PKD1L3: variants seen among roughly 807,000 people sequenced by gnomAD.
PKD1L3 encodes the protein polycystin-1-like protein 3.
Under a neutral mutation model 184.1 loss-of-function variants are expected in PKD1L3, and 239 were observed. The ratio of observed to expected loss-of-function variants is 1.30; its 90% CI spans 1.17 to 1.45. The LOEUF (loss-of-function observed/expected upper bound fraction) is 1.45. PKD1L3 is among the 40% of genes most tolerant of loss of function. The probability of loss-of-function intolerance (pLI) is 0.00; values close to 1 mark genes in which losing one functional copy is unlikely to be tolerated. For synonymous variants in PKD1L3, 996 were observed against 778.8 expected (o/e 1.28, Z -4.64); for missense variants, 2,660 against 2,067.2 (o/e 1.29, Z -5.56).
Position 71,980,103 on chromosome 16 carries a change from T to C in PKD1L3, c.1175A>G (p.Glu392Gly), listed in dbSNP as rs1212927808. ...AAATGCTTCCCCGATATTCCCAAAC[T>C]CCACCAAGGACATTTCCAGGATGTC... is the stretch of plus-strand genomic sequence containing the variant. ...VEDILEMSLV[E>G]FGNIGEAFLE... Residue 392 changes from glutamate (E) to glycine (G), a missense_variant, in exon 8 of 30, where the codon GAG (glutamate) becomes GGG (glycine). Glu to Gly is a moderately conservative substitution (Grantham distance 98, BLOSUM62 -2). Transcript: ENST00000620267. 3 of 1,551,600 alleles carry C rather than the reference T, an allele frequency of 1.9e-6. No homozygotes were observed. The highest frequency in any genetic ancestry group is 2.6e-6 in the Non-Finnish European group (3 of 1,146,954).
At position 71,990,280 on chromosome 16, in the gene PKD1L3, A is replaced by T. The variant is rs879148515; in HGVS notation, c.585T>A (p.Leu195=). The change falls in exon 4 of 30, where the codon CTT becomes CTA. Residue 195 remains leucine, a splice_region_variant and synonymous_variant. Coordinates refer to ENST00000620267, the MANE Select transcript of PKD1L3 (RefSeq NM_181536.2). ...TTCHYPLPAH[L]SKTLCHPISQ... is the part of the protein sequence containing the mutation. ...GTATGTTGTCAAGGGAAGCACTTAC[A>T]AGATGAGCAGGAAGAGGATAGTGAC... 1 of 1,545,188 alleles carries T rather than the reference A, an allele frequency of 6.5e-7. No homozygotes were observed. The highest frequency in any genetic ancestry group is 1.2e-5 in the South Asian group (1 of 83,934).
chr16:71,936,210 T>C (rs2038170596), intron 25 of PKD1L3, among the ~76,000 whole-genome samples: 1 of 144,970 alleles, frequency 6.9e-6, no homozygotes, highest in Non-Finnish European at 1.5e-5. Context: ...TTTTCTTTTC[T>C]TTTTTTTTTT....
At chr16:71,996,175 T>C (rs7198936) in intron 2 of PKD1L3, among the ~76,000 whole-genome samples, 86,937 of 150,948 alleles carry the variant, frequency 0.58, 25,457 homozygotes, top group South Asian at 0.66. Flanking sequence ...AACAACAGGA[T>C]ATGGACGCTG....
chr16:71,948,486 G>A (rs1208218216), intron 21 of PKD1L3, among the ~76,000 whole-genome samples: 1 of 152,122 alleles, frequency 6.6e-6, no homozygotes, highest in African/African-American at 2.4e-5. Flanking sequence ...CTCCCAAAGT[G>A]CTAGGATTAC....
rs1273951826 is a variant in PKD1L3, at chr16:71,978,738, CTA to C, written c.1399-357_1399-356del. On this transcript the variant is annotated intron_variant, in intron 9 of 29. Transcript: ENST00000620267. ...TATTTTTAGTAGAGACAGGGTTTCGCTATGTTGGCCACGCTGGTCTCGAACTC... is the reference window on the plus strand; with the variant it reads ...TATTTTTAGTAGAGACAGGGTTTCGCTGTTGGCCACGCTGGTCTCGAACTC... 2.0e-5 allele frequency among the ~76,000 whole-genome samples: 3 copies of C among 151,776 alleles called. No individual in the cohort carries two copies. The East Asian group carries it at 5.8e-4, about 29-fold the overall frequency.
At chr16:71,969,711 T>C (rs1342593255) in intron 13 of PKD1L3, among the ~76,000 whole-genome samples, 164 bp downstream of exon 13, 2 of 152,134 alleles carry the variant, frequency 1.3e-5, no homozygotes, top group Non-Finnish European at 2.9e-5. Flanking sequence ...TTCTCAGGTC[T>C]TGAGTCAGCA....
intron 18 of PKD1L3, among the ~76,000 whole-genome samples, chr16:71,952,170 A>C (rs2143385416): frequency 7.3e-6 from 1 of 137,722 alleles, no homozygotes; most frequent in African/African-American, 2.7e-5. Context: ...GCTCTCTTCC[A>C]CTGCGTGGGG....
chr16:71,947,920 CT>C (rs545301438), intron 21 of PKD1L3, among the ~76,000 whole-genome samples: 96 of 143,812 alleles, frequency 6.7e-4, no homozygotes, highest in African/African-American at 7.9e-4. Context: ...GATCCAGACT[CT>C]TTTTTTTTTT....
At position 71,979,987 on chromosome 16, in the gene PKD1L3, C is replaced by G; in HGVS notation, c.1271+20G>C. On this transcript the variant is annotated intron_variant, in intron 8 of 29. Transcript: ENST00000620267. The stretch of plus-strand genomic sequence containing the variant: ...GTGAAAAACACAGTGAAACTCTCCC[C>G]GTTCCTTCTTCCCATTAACCTGCTC... 2 of 1,551,128 alleles carry G rather than the reference C, an allele frequency of 1.3e-6. No individual in the cohort carries two copies. Among genetic ancestry groups the G allele is most frequent in the East Asian group, 2.4e-5 (1 of 40,918 alleles).
At chr16:71,983,993 C>A in intron 6 of PKD1L3, 43 bp downstream of exon 6, 6 of 1,545,128 alleles carry the variant, frequency 3.9e-6, no homozygotes, top group Non-Finnish European at 5.3e-6. Context: ...TTCCGCTTTT[C>A]CCTCTCTCCT....
intron 24 of PKD1L3, among the ~76,000 whole-genome samples, chr16:71,939,959 G>T (rs189475356): frequency 8.4e-4 from 128 of 152,256 alleles, no homozygotes; most frequent in Non-Finnish European, 1.5e-3. Context: ...CATTGACTTA[G>T]CAAGTTCAAG....
At chr16:71,995,681 G>C (rs781005038) in intron 2 of PKD1L3, among the ~76,000 whole-genome samples, 18 of 152,170 alleles carry the variant, frequency 1.2e-4, no homozygotes, top group Non-Finnish European at 2.2e-4. Flanking sequence ...CTATCACAGA[G>C]AGCTACAATG....
intron 13 of PKD1L3, 27 bp downstream of exon 13, chr16:71,969,848 A>C: frequency 6.6e-7 from 1 of 1,523,154 alleles, no homozygotes; most frequent in Admixed American, 2.1e-5. Context: ...CATCATGGCA[A>C]ATCTGTTGAA....
intron 24 of PKD1L3, among the ~76,000 whole-genome samples, chr16:71,942,330 C>G (rs947494132): frequency 1.3e-5 from 2 of 152,058 alleles, no homozygotes; most frequent in African/African-American, 4.8e-5. Context: ...AAGACTCCGT[C>G]TCAAACAAAC....
intron 3 of PKD1L3, among the ~76,000 whole-genome samples, chr16:71,992,921 T>G (rs986142965): frequency 6.6e-6 from 1 of 152,220 alleles, no homozygotes; most frequent in African/African-American, 2.4e-5. Context: ...ACACCATAAT[T>G]TGAAAGACTT....
intron 3 of PKD1L3, among the ~76,000 whole-genome samples, chr16:71,992,922 T>G (rs372770752): frequency 7.2e-5 from 11 of 152,358 alleles, no homozygotes; most frequent in African/African-American, 1.4e-4. Flanking sequence ...CACCATAATT[T>G]GAAAGACTTT....
At chr16:71,983,133 G>A (rs1335957865) in intron 6 of PKD1L3, among the ~76,000 whole-genome samples, 1 of 152,012 alleles carries the variant, frequency 6.6e-6, no homozygotes, top group Non-Finnish European at 1.5e-5. Flanking sequence ...ATGAAGAAAA[G>A]ACCAATGCTG....
intron 7 of PKD1L3, 125 bp downstream of exon 7, chr16:71,981,934 T>G: frequency 9.1e-7 from 1 of 1,098,528 alleles, no homozygotes; most frequent in Non-Finnish European, 1.2e-6. Flanking sequence ...GCAGAGGAGT[T>G]TCTTCTGCAG....
intron 4 of PKD1L3, among the ~76,000 whole-genome samples, chr16:71,989,163 T>C (rs2040492156): frequency 6.6e-6 from 1 of 152,176 alleles, no homozygotes; most frequent in Admixed American, 6.5e-5. Flanking sequence ...TTTTGTTTTG[T>C]TTTGTTTTTG....
Sources: allele counts gnomAD v4.1 joint callset (sites outside exome capture counted in the v4.1 genomes callset), GRCh38; gene constraint gnomAD v4.1.1; transcripts MANE v1.5; gene names NCBI Gene and HGNC (gene_info 2026-07-23, HGNC 2026-07-21).